The following WIPI2 variants were observed in gnomAD, a reference collection of about 807,000 sequenced individuals.
WIPI2 encodes the protein WD repeat domain, phosphoinositide interacting 2, also known as WD repeat domain phosphoinositide-interacting protein 2.
A neutral mutation model predicts 52.3 loss-of-function variants in WIPI2; 28 were observed. The observed-to-expected ratio is 0.54, with a 90% CI of 0.40 to 0.73. WIPI2 has a LOEUF of 0.73. WIPI2 is among the 30% of genes least tolerant of loss of function. WIPI2 has a pLI of 0.00. For missense variants in WIPI2, 506 were observed against 602.9 expected, an observed-to-expected ratio of 0.84 and a Z score of 1.68; for synonymous variants, 268 against 245.0, an observed-to-expected ratio of 1.09 and a Z score of -0.88.
chr7:5,202,537 C>T (rs1241159853), intron 3 of WIPI2, among the ~76,000 whole-genome samples: 1 of 152,106 alleles, frequency 6.6e-6, no homozygotes, highest in East Asian at 1.9e-4. Context: ...GCACATGCCA[C>T]TACACCTGGC....
At position 5,229,651 on chromosome 7, in the gene WIPI2, G is replaced by C; in HGVS notation, c.1165G>C (p.Ala389Pro). Residue 389 changes from alanine (A) to proline (P), a missense_variant, in exon 12 of 13, where the codon GCC becomes CCC. Around this residue, in one of 4 missense-constraint regions of WIPI2, gnomAD observed 194 missense variants for 175.1 expected, o/e 1.11. Transcript: ENST00000288828. ...AACGACCAATGAGATCTTGGACTCT[G>C]CCTCTCACGACTGCCCCTTAGTCAC... Reference protein sequence around the residue: ...LETTNEILDSASHDCPLVTQT... With the variant: ...LETTNEILDSPSHDCPLVTQT... 2 of 1,613,922 alleles carry C rather than the reference G, an allele frequency of 1.2e-6. No individual in the cohort carries two copies. Among genetic ancestry groups the C allele is most frequent in the Non-Finnish European group, 1.7e-6 (2 of 1,179,916 alleles).
Position 5,199,565 on chromosome 7 carries a change from CT to C in WIPI2, c.129-5del, listed in dbSNP as rs1343274172. On this transcript the variant is annotated splice_polypyrimidine_tract_variant and intron_variant, in intron 2 of 12. Transcript: ENST00000288828. ...TATCAGCTCTTATTTCTGAATTTGG[CT>C]TTTTTGCAGGTCCCTAGCTGTTGGT... 4 of 1,603,872 alleles carry C rather than the reference CT, an allele frequency of 2.5e-6. No homozygotes were observed. The highest frequency in any genetic ancestry group is 1.4e-5 in the African/African-American group (1 of 73,884).
At chr7:5,229,557 C>T (rs550164456) in intron 11 of WIPI2, 51 bp from the exon 12 acceptor site, 7 of 1,588,024 alleles carry the variant, frequency 4.4e-6, no homozygotes, top group Admixed American at 1.8e-5. Context: ...GTACTGCCCG[C>T]AGGGCTGCCC....
At chr7:5,205,223 G>T (rs972454208) in intron 3 of WIPI2, among the ~76,000 whole-genome samples, 7 of 152,142 alleles carry the variant, frequency 4.6e-5, no homozygotes, top group African/African-American at 1.7e-4. Flanking sequence ...TTATCCATCC[G>T]CCTCAGCTTC....
At chr7:5,223,056 C>G (rs1783227445) in intron 8 of WIPI2, among the ~76,000 whole-genome samples, 1 of 152,160 alleles carries the variant, frequency 6.6e-6, no homozygotes, top group South Asian at 2.1e-4. Context: ...TCCGCCTCCA[C>G]CCTCAGCAAA....
chr7:5,232,987 T>C lies in WIPI2; in HGVS notation c.*2040T>C, dbSNP rs1282026963. 1 of 152,284 alleles carries C rather than the reference T, an allele frequency of 6.6e-6. No individual in the cohort carries two copies. Among genetic ancestry groups the C allele is most frequent in the African/African-American group, 2.4e-5 (1 of 41,454 alleles). 9.4% of individuals were successfully genotyped at this position (152,284 alleles called of 1,614,324 possible). A position where few individuals can be genotyped will look rare whatever the true frequency, so the allele number is the denominator to read the frequency against. ...CTTCCCGCACTGTAAGATGAGGCAG[T>C]TGCAGAGGAGGCCTCGGACGTCCTG... On this transcript the variant is annotated 3_prime_UTR_variant, in exon 13 of 13. Transcript: ENST00000288828.
chr7:5,229,227 G>A (rs1020236281), intron 11 of WIPI2, among the ~76,000 whole-genome samples: 1 of 152,138 alleles, frequency 6.6e-6, no homozygotes, highest in Admixed American at 6.5e-5. Flanking sequence ...GTGTTAGCCA[G>A]GATGGTCTCC....
chr7:5,229,582 G>T, intron 11 of WIPI2, 26 bp from the exon 12 acceptor site: 1 of 1,607,826 alleles, frequency 6.2e-7, no homozygotes, highest in South Asian at 1.1e-5. Context: ...TGGAGACGCT[G>T]AGCTGTGTCG....
At chr7:5,204,224 T>A (rs1583553132) in intron 3 of WIPI2, among the ~76,000 whole-genome samples, 1 of 152,010 alleles carries the variant, frequency 6.6e-6, no homozygotes, top group Non-Finnish European at 1.5e-5. Context: ...CCCAACACTT[T>A]GGGAGGCCGA....
Position 5,190,492 on chromosome 7 carries a change from A to G in WIPI2, c.73A>G (p.Thr25Ala). The change falls in exon 1 of 13, where the codon ACA becomes GCA. Residue 25 changes from threonine (T) to alanine (A), a missense_variant and splice_region_variant. Around this residue, in one of 4 missense-constraint regions of WIPI2, gnomAD observed 60 missense variants for 49.7 expected, o/e 1.21. Coordinates refer to ENST00000288828, the MANE Select transcript of WIPI2 (RefSeq NM_015610.4). ...CTTCGCCAACTTCAACCAGGACAAC[A>G]CGTAAGGCCGGGGTCGGGGGTCGGA... ...LLFANFNQDN[T>A]EVKGASRAAG... 6.7e-7 allele frequency: 1 copy of G among 1,500,882 alleles called. No individual in the cohort carries two copies. The allele number at this position is 1,500,882 out of a possible 1,614,324, so 93.0% of individuals were successfully genotyped here.
intron 3 of WIPI2, among the ~76,000 whole-genome samples, chr7:5,210,074 AT>A (rs1267005979): frequency 1.3e-5 from 2 of 151,552 alleles, no homozygotes; most frequent in Non-Finnish European, 1.5e-5. Context: ...TGCCCGGCTC[AT>A]TTTTTGTATT....
intron 4 of WIPI2, chr7:5,216,354 C>T (rs1782811159): frequency 2.7e-6 from 1 of 376,334 alleles, no homozygotes; most frequent in Non-Finnish European, 4.9e-6. Flanking sequence ...ATCACTTGAA[C>T]CCGGAAGGCA....
intron 7 of WIPI2, among the ~76,000 whole-genome samples, chr7:5,221,951 A>ATT (rs200325811): frequency 0.39 from 39,443 of 100,728 alleles, 5,644 homozygotes; most frequent in Admixed American, 0.47. Context: ...CCAGGCTTTT[A>ATT]TTTTTTTTTT....
chr7:5,214,746 C>A (rs1460761449), intron 4 of WIPI2, 42 bp downstream of exon 4: 1 of 1,605,122 alleles, frequency 6.2e-7, no homozygotes, highest in Admixed American at 1.7e-5. Context: ...TCTGTTGCTC[C>A]CTCCAGCACT....
intron 2 of WIPI2, among the ~76,000 whole-genome samples, chr7:5,195,681 T>C (rs1428102538): frequency 6.6e-6 from 1 of 152,214 alleles, no homozygotes. Flanking sequence ...CAAAGGGGTG[T>C]TGAACTTGAT....
intron 8 of WIPI2, 101 bp downstream of exon 8, chr7:5,222,773 A>G (rs963274681): frequency 1.7e-6 from 2 of 1,191,618 alleles, no homozygotes; most frequent in Non-Finnish European, 2.5e-6. Context: ...GGAGAATTCC[A>G]CACGAGCATT....
In WIPI2 at chr7:5,227,871, A is replaced by C. The variant is rs1436709151; in HGVS notation, c.1014-233A>C. Among the ~76,000 whole-genome samples the C allele has an allele frequency of 6.6e-6, 1 of 152,200 alleles. No individual in the cohort carries two copies. Among genetic ancestry groups the C allele is most frequent in the Non-Finnish European group, 1.5e-5 (1 of 68,042 alleles). On this transcript the variant is annotated intron_variant, in intron 10 of 12. Transcript: ENST00000288828. This position sits in a 1 kb window ranked among gnomAD's most constrained non-coding sequence, Gnocchi z 8.1. ...GATGACTACCTATAATAATCCCAGA[A>C]GCCACAAAACTGGTTTCATCCCGCT...
intron 4 of WIPI2, 167 bp from the exon 5 acceptor site, chr7:5,216,396 C>T (rs1318829590): frequency 1.8e-6 from 1 of 543,208 alleles, no homozygotes; most frequent in South Asian, 2.4e-5. Context: ...CACACCACTG[C>T]ACTCCAGCCC....
At chr7:5,218,798 G>C (rs372784610) in intron 7 of WIPI2, 3 of 152,042 alleles carry the variant, frequency 2.0e-5, no homozygotes, top group African/African-American at 7.2e-5. Context: ...CTCTCTTTTC[G>C]TTTCAGTTCC....
Sources: allele counts gnomAD v4.1 joint callset (sites outside exome capture counted in the v4.1 genomes callset), GRCh38; gene constraint gnomAD v4.1.1; regional missense constraint gnomAD v4.1.1; non-coding constraint Gnocchi (gnomAD v3.1); transcripts MANE v1.5; gene names NCBI Gene and HGNC (gene_info 2026-07-23, HGNC 2026-07-21).